The following TCF7 variants were observed in gnomAD, a reference collection of about 807,000 sequenced individuals.
The protein encoded by TCF7 is T-cell-factor-7.
In TCF7, 19 loss-of-function variants were observed where a neutral mutation model predicts 46.8. That is an observed-to-expected ratio of 0.41 (90% confidence interval 0.28 to 0.60). The LOEUF (loss-of-function observed/expected upper bound fraction) is 0.60. Ranked by LOEUF, TCF7 falls within the 20% of genes least tolerant of loss-of-function variation. TCF7 has a pLI of 0.35. For synonymous variants in TCF7, 245 were observed against 213.4 expected (o/e 1.15, Z -1.29); for missense variants, 547 against 504.6 (o/e 1.08, Z -0.81).
rs773935324 is a variant in TCF7, at chr5:134,146,615, G to T, written c.*312G>T. On this transcript the variant is annotated 3_prime_UTR_variant, in exon 10 of 10. Transcript: ENST00000342854. ...GAAACTGGCCAGGGGTCCTGTTAAC[G>T]TCATCTCAGGGTCCAGACCCTGAAG... 4 of 681,856 alleles carry T rather than the reference G, an allele frequency of 5.9e-6. No individual in the cohort carries two copies. Among genetic ancestry groups the T allele is most frequent in the African/African-American group, 5.5e-5 (3 of 54,814 alleles). 42.2% of individuals were successfully genotyped at this position (681,856 alleles called of 1,614,324 possible).
At chr5:134,115,588 G>C in intron 2 of TCF7, 1 of 1,440,874 alleles carries the variant, frequency 6.9e-7, no homozygotes, top group Non-Finnish European at 9.1e-7. Flanking sequence ...ACCTTTATAG[G>C]AGTAAACAGA....
rs747052436 is a variant in TCF7, at chr5:134,138,149, A to G, written c.532A>G (p.Ile178Val). Reference sequence around the variant, plus strand: ...ACATCCCACCCCTGCACCTGCGGACATCAGCCAGAAGCAAGGTACAAGCCT... The same window carrying G: ...ACATCCCACCCCTGCACCTGCGGACGTCAGCCAGAAGCAAGGTACAAGCCT... ...SPHPTPAPAD[I>V]SQKQVHRPLQ... Residue 178 changes from isoleucine (I) to valine (V), a missense_variant, in exon 4 of 10, where the codon ATC (isoleucine) becomes GTC (valine). Physicochemically the swap from Ile to Val is conservative, Grantham distance 29. This residue lies in a region of TCF7 where 425 missense variants were observed against 349.9 expected (regional missense o/e 1.21). Transcript: ENST00000342854. 4.8e-5 allele frequency: 78 copies of G among 1,613,492 alleles called. No individual in the cohort carries two copies. Among genetic ancestry groups the G allele is most frequent in the Non-Finnish European group, 6.2e-5 (73 of 1,179,774 alleles).
chr5:134,115,957 AC>A lies in TCF7; in HGVS notation c.366del (p.Ser123ProfsTer76). 6.2e-7 allele frequency: 1 copy of A among 1,613,792 alleles called. No individual in the cohort carries two copies. The highest frequency in any genetic ancestry group is 8.5e-7 in the Non-Finnish European group (1 of 1,179,972). ...CTSGMYKETV[Y>X]SAFNLLMHYP... ...AGCGGCATGTACAAAGAGACCGTCT[AC>A]TCCGCCTTCAATCTGCTCATGCATT... On this transcript the variant is annotated frameshift_variant, in exon 3 of 10. Transcript: ENST00000342854. LOFTEE classifies it high-confidence loss of function.
chr5:134,113,166 A>C (rs1416722806), upstream of TCF7, among the ~76,000 whole-genome samples: 1 of 152,166 alleles, frequency 6.6e-6, no homozygotes, highest in Non-Finnish European at 1.5e-5. Flanking sequence ...ACTAAGCGGC[A>C]AGCCCACCCT....
chr5:134,141,854 G>C (rs1041949363), intron 5 of TCF7: 19 of 220,720 alleles, frequency 8.6e-5, no homozygotes, highest in Non-Finnish European at 1.5e-4. Flanking sequence ...TCAAGCAGGA[G>C]AGGGATGAGG....
chr5:134,108,772 C>G, the TCF7 span, among the ~76,000 whole-genome samples: 1 of 152,122 alleles, frequency 6.6e-6, no homozygotes, highest in Non-Finnish European at 1.5e-5. Flanking sequence ...AGGCAAGGTT[C>G]AATGGATGGC....
intron 3 of TCF7, among the ~76,000 whole-genome samples, chr5:134,135,375 G>C (rs1187705899): frequency 6.6e-6 from 1 of 152,200 alleles, no homozygotes; most frequent in Non-Finnish European, 1.5e-5. Context: ...ACTGGCGGAG[G>C]GGCAGGAGAG....
chr5:134,113,926 C>T (rs1379015806), upstream of TCF7, among the ~76,000 whole-genome samples: 2 of 152,160 alleles, frequency 1.3e-5, no homozygotes, highest in Non-Finnish European at 2.9e-5. Flanking sequence ...CCCAAAGTTC[C>T]GAGTCTCCGG....
intron 6 of TCF7, 73 bp downstream of exon 6, chr5:134,142,377 C>A: frequency 6.9e-7 from 1 of 1,451,532 alleles, no homozygotes; most frequent in Non-Finnish European, 9.1e-7. Flanking sequence ...GGCCTGAGGA[C>A]TGCCACGAGG....
At chr5:134,130,284 T>TC (rs1757941986) in intron 3 of TCF7, among the ~76,000 whole-genome samples, 1 of 152,226 alleles carries the variant, frequency 6.6e-6, no homozygotes, top group South Asian at 2.1e-4. Context: ...TCTGAGGGCT[T>TC]GAGGGGCATC....
intron 9 of TCF7, chr5:134,145,805 C>G: frequency 6.2e-7 from 1 of 1,613,814 alleles, no homozygotes; most frequent in Non-Finnish European, 8.5e-7. Context: ...TGTCTTCTTC[C>G]TCTAGCCCAG....
At chr5:134,132,509 A>AC (rs936561264) in intron 3 of TCF7, among the ~76,000 whole-genome samples, 1 of 151,578 alleles carries the variant, frequency 6.6e-6, no homozygotes, top group African/African-American at 2.4e-5. Context: ...CCTATCCCCT[A>AC]CCCCCCACAG....
chr5:134,144,643 G>A, intron 9 of TCF7: 1 of 621,112 alleles, frequency 1.6e-6, no homozygotes, highest in Non-Finnish European at 2.9e-6. Flanking sequence ...ACTGGGGCTG[G>A]CTGTGCCATG....
intron 4 of TCF7, chr5:134,138,519 CAA>C (rs1759245716): frequency 6.9e-6 from 2 of 290,948 alleles, no homozygotes; most frequent in Admixed American, 4.8e-5. Flanking sequence ...CAGCCTCAGG[CAA>C]AGTCATTCTG....
chr5:134,142,111 C>T (rs152403), intron 5 of TCF7, 74 bp from the exon 6 acceptor site: 156,442 of 1,597,832 alleles, frequency 0.098, 10,925 homozygotes, highest in East Asian at 0.39. Context: ...ATGTATTATG[C>T]AGGGGCCTCT....
rs753206145 is a variant in TCF7 at position 134,115,092 on chromosome 5, G to C, written c.186G>C (p.Ala62=). ...KSSLVNESEG[A]AGGAGIPGVP... ...CGCTCGTGAACGAGTCCGAGGGCGC[G>C]GCCGGCGGCGCAGGGATCCCGGGGG... is the stretch of plus-strand genomic sequence containing the variant. The change falls in exon 1 of 10, where the codon GCG becomes GCC. Residue 62 remains alanine, a synonymous_variant. Transcript: ENST00000342854. 2 of 1,092,868 alleles carry C rather than the reference G, an allele frequency of 1.8e-6. No individual in the cohort carries two copies. The highest frequency in any genetic ancestry group is 5.1e-5 in the South Asian group (2 of 39,118). 67.7% of individuals were successfully genotyped at this position (1,092,868 alleles called of 1,614,324 possible).
intron 3 of TCF7, among the ~76,000 whole-genome samples, chr5:134,135,977 TG>T (rs1450778943): frequency 1.3e-5 from 2 of 152,142 alleles, no homozygotes; most frequent in Non-Finnish European, 2.9e-5. Flanking sequence ...GACTGAGAAT[TG>T]ACCATTGAGT....
chr5:134,128,091 T>G (rs1757586479), intron 3 of TCF7, among the ~76,000 whole-genome samples: 1 of 152,210 alleles, frequency 6.6e-6, no homozygotes, highest in African/African-American at 2.4e-5. Flanking sequence ...CGGCGTTCGC[T>G]GTCCCTCCCC....
chr5:134,138,186 G>A (rs775236301), intron 4 of TCF7, 22 bp downstream of exon 4: 2 of 1,606,530 alleles, frequency 1.2e-6, no homozygotes, highest in Non-Finnish European at 1.7e-6. Context: ...GGATGGGGAG[G>A]GGCCCAGTGA....
Sources: gnomAD v4.1 joint callset for allele counts (sites outside exome capture counted in the v4.1 genomes callset) on GRCh38, gnomAD v4.1.1 for gene constraint, gnomAD v4.1.1 regional missense constraint, MANE v1.5 for transcripts, NCBI Gene and HGNC (gene_info 2026-07-23, HGNC 2026-07-21) for gene names.